Variants in BCLAF3 observed in about 807,000 individuals in gnomAD.
The protein encoded by BCLAF3 is transient octamer binding factor 1.
In BCLAF3, 24 loss-of-function variants were observed where a neutral mutation model predicts 51.2. That is an observed-to-expected ratio of 0.47 (90% CI 0.34 to 0.66). The LOEUF is 0.66. BCLAF3 is among the 30% of genes least tolerant of loss of function. The pLI is 0.01. For missense variants in BCLAF3, 465 were observed against 525.1 expected (o/e 0.89, Z 1.12); for synonymous variants, 152 against 176.6 (o/e 0.86, Z 1.10).
chrX:19,938,471 T>C (rs768697204), intron 8 of BCLAF3, among the ~76,000 whole-genome samples: 18 of 112,148 alleles, frequency 1.6e-4, no homozygotes, highest in African/African-American at 4.9e-4. Context: ...TCTCGGCTCA[T>C]TGCAACCTGC....
chrX:19,918,577 G>A (rs2070012599), intron 11 of BCLAF3, among the ~76,000 whole-genome samples: 1 of 76,962 alleles, frequency 1.3e-5, no homozygotes, highest in Admixed American at 2.1e-4. Flanking sequence ...TGGAGTCTCC[G>A]TTGCCCAGGC....
At chrX:19,924,126 T>C (rs1165891554) in intron 11 of BCLAF3, among the ~76,000 whole-genome samples, 1 of 111,035 alleles carries the variant, frequency 9.0e-6, no homozygotes, top group Non-Finnish European at 1.9e-5. Flanking sequence ...ACATGCTAAA[T>C]TTGAGGTGCT....
At position 19,917,182 on chromosome X, in the gene BCLAF3, A is replaced by G; in HGVS notation, c.*123T>C. 1.6e-6 allele frequency: 1 copy of G among 634,480 alleles called. No individual in the cohort carries two copies. Among genetic ancestry groups the G allele is most frequent in the East Asian group, 3.4e-5 (1 of 28,992 alleles). The allele number at this position is 634,480 out of a possible 1,213,427, so 52.3% of individuals were successfully genotyped here. The stretch of plus-strand genomic sequence containing the variant: ...TTGCAGCATTCCACTACTAAAAAAT[A>G]AAGTTATTTTATCAAGAAGTTACAG... On this transcript the variant is annotated 3_prime_UTR_variant, in exon 12 of 12. Transcript: ENST00000379682.
intron 11 of BCLAF3, 116 bp downstream of exon 11, chrX:19,929,669 T>G: frequency 1.3e-6 from 1 of 744,864 alleles, no homozygotes; most frequent in Non-Finnish European, 1.9e-6. Flanking sequence ...CAAGAACATT[T>G]AAAAACCCAG....
At chrX:19,956,732 T>A (rs1469318028) in intron 4 of BCLAF3, among the ~76,000 whole-genome samples, 1 of 111,507 alleles carries the variant, frequency 9.0e-6, no homozygotes, top group African/African-American at 3.3e-5. Flanking sequence ...GTTCACTGTC[T>A]AAAGAATTGA....
At chrX:19,932,657 G>C (rs1285877706) in intron 10 of BCLAF3, among the ~76,000 whole-genome samples, 3 of 107,358 alleles carry the variant, frequency 2.8e-5, no homozygotes, top group Non-Finnish European at 5.7e-5. Flanking sequence ...TCAGCCTCCA[G>C]AGTAGCTGGG....
chrX:19,931,937 C>T (rs2070575350), intron 10 of BCLAF3, among the ~76,000 whole-genome samples: 1 of 111,975 alleles, frequency 8.9e-6, no homozygotes. Context: ...GTTTGAATGG[C>T]ACAAGCAGGA....
intron 2 of BCLAF3, among the ~76,000 whole-genome samples, chrX:19,969,680 G>A (rs957884591): frequency 9.0e-6 from 1 of 111,692 alleles, no homozygotes; most frequent in Non-Finnish European, 1.9e-5. Context: ...GCTTGCTGAG[G>A]CCAAAGAAGA....
At chrX:19,950,619 A>T in intron 8 of BCLAF3, 134 bp downstream of exon 8, 2 of 433,870 alleles carry the variant, frequency 4.6e-6, no homozygotes, top group Non-Finnish European at 7.8e-6. Context: ...AATAGATTTC[A>T]CTTAAACATA....
intron 11 of BCLAF3, among the ~76,000 whole-genome samples, chrX:19,928,263 C>T (rs781182307): frequency 9.0e-6 from 1 of 110,537 alleles, no homozygotes; most frequent in African/African-American, 3.3e-5. Context: ...ATTCCAATTA[C>T]CAAGTAAAGA....
intron 1 of BCLAF3, 89 bp from the exon 2 acceptor site, chrX:19,970,387 C>T (rs2072218900): frequency 6.6e-6 from 5 of 757,250 alleles, no homozygotes; most frequent in Non-Finnish European, 9.9e-6. Context: ...GACTTAAACC[C>T]TTTGTGCCTC....
intron 11 of BCLAF3, among the ~76,000 whole-genome samples, chrX:19,927,885 CT>C (rs1308428921): frequency 3.1e-4 from 31 of 99,902 alleles, no homozygotes; most frequent in African/African-American, 4.4e-4. Flanking sequence ...TTCTTTCTTT[CT>C]TTTTTTTTTT....
At position 19,914,815 on chromosome X, in the gene BCLAF3, C is replaced by A. The variant is rs1308320898; in HGVS notation, c.*2490G>T. ...CAATTTTTAAAACCAGTAAAACCAC[C>A]AACAGAATAGTGCCTTCTGAGGTTG... On this transcript the variant is annotated 3_prime_UTR_variant, in exon 12 of 12. Coordinates refer to ENST00000379682, the MANE Select transcript of BCLAF3 (RefSeq NM_001367774.2). 1 of 111,760 alleles carries A rather than the reference C, an allele frequency of 8.9e-6. No individual in the cohort carries two copies. Among genetic ancestry groups the A allele is most frequent in the Non-Finnish European group, 1.9e-5 (1 of 53,183 alleles). 9.2% of individuals were successfully genotyped at this position (111,760 alleles called of 1,213,427 possible).
chrX:19,928,624 A>C (rs1033070216), intron 11 of BCLAF3, among the ~76,000 whole-genome samples: 1 of 111,765 alleles, frequency 8.9e-6, no homozygotes, highest in African/African-American at 3.3e-5. Flanking sequence ...AGAGTTATTA[A>C]CAAGTTTGGG....
chrX:19,946,041 G>C (rs1461851007), intron 8 of BCLAF3, among the ~76,000 whole-genome samples: 1 of 109,455 alleles, frequency 9.1e-6, no homozygotes, highest in East Asian at 2.9e-4. Context: ...GATTTTCCAG[G>C]TGCGTCCGTC....
At chrX:19,982,549 TCACA>T (rs60433883) in intron 1 of BCLAF3, among the ~76,000 whole-genome samples, 5,000 of 97,094 alleles carry the variant, frequency 0.051, 194 homozygotes, top group East Asian at 0.15. Context: ...AGATGCAATT[TCACA>T]CACACACACA....
At chrX:19,955,336 G>A (rs996696225) in intron 5 of BCLAF3, 55 bp downstream of exon 5, 32 of 934,100 alleles carry the variant, frequency 3.4e-5, no homozygotes, top group Admixed American at 6.6e-5. Context: ...CCTGTATCTC[G>A]TGAATAGTAT....
At chrX:19,975,777 C>T (rs1298866807) in intron 1 of BCLAF3, among the ~76,000 whole-genome samples, 1 of 112,206 alleles carries the variant, frequency 8.9e-6, no homozygotes, top group Non-Finnish European at 1.9e-5. Context: ...GCGTGAACCA[C>T]CACACATGGC....
intron 7 of BCLAF3, among the ~76,000 whole-genome samples, 189 bp from the exon 8 acceptor site, chrX:19,951,057 T>G (rs2071457839): frequency 9.0e-6 from 1 of 111,545 alleles, no homozygotes; most frequent in African/African-American, 3.3e-5. Flanking sequence ...TTCCTAATAT[T>G]GAACCAGGAT....
Sources: gnomAD v4.1 joint callset for allele counts (sites outside exome capture counted in the v4.1 genomes callset) on GRCh38, gnomAD v4.1.1 for gene constraint, MANE v1.5 for transcripts, NCBI Gene and HGNC (gene_info 2026-07-23, HGNC 2026-07-21) for gene names.